The following RFX3 variants were observed in gnomAD, a reference collection of about 807,000 sequenced individuals.
RFX3 encodes regulatory factor X3, also known as transcription factor RFX3.
RFX3 carries 14 observed loss-of-function variants against 98.6 expected under a neutral mutation model. That is an observed-to-expected ratio of 0.14 (90% CI 0.09 to 0.22). The LOEUF (loss-of-function observed/expected upper bound fraction) is 0.22. Ranked by LOEUF, RFX3 falls within the 10% of genes least tolerant of loss-of-function variation. The pLI is 1.00. For missense variants in RFX3, 639 were observed against 926.9 expected (o/e 0.69, Z 4.03); for synonymous variants, 383 against 328.4 (o/e 1.17, Z -1.80).
At chr9:3,402,644 C>G (rs1210468823) in intron 1 of RFX3, among the ~76,000 whole-genome samples, 1 of 151,682 alleles carries the variant, frequency 6.6e-6, no homozygotes, top group African/African-American at 2.4e-5. Context: ...AATTGAAGTT[C>G]TGCAGCATTT....
intron 7 of RFX3, among the ~76,000 whole-genome samples, chr9:3,281,306 T>C (rs1470066556): frequency 6.6e-6 from 1 of 151,090 alleles, no homozygotes; most frequent in Non-Finnish European, 1.5e-5. Flanking sequence ...CTTTATCAAA[T>C]CTACCATATC....
intron 1 of RFX3, among the ~76,000 whole-genome samples, chr9:3,474,356 G>T (rs1041192699): frequency 1.6e-4 from 24 of 152,110 alleles, no homozygotes; most frequent in African/African-American, 5.8e-4. Flanking sequence ...TCTATTAACA[G>T]TCAAACTACA....
chr9:3,430,167 G>C (rs1177136154), intron 1 of RFX3, among the ~76,000 whole-genome samples: 1 of 152,164 alleles, frequency 6.6e-6, no homozygotes, highest in Non-Finnish European at 1.5e-5. Context: ...ATGATGTTTT[G>C]AAAGACTTTC....
chr9:3,490,376 C>A (rs1850637771), intron 1 of RFX3: 2 of 895,242 alleles, frequency 2.2e-6, no homozygotes, highest in African/African-American at 1.8e-5. Context: ...ACAATTAGTT[C>A]ACATTAAAAA....
chr9:3,297,029 T>A (rs1356069749), intron 5 of RFX3, among the ~76,000 whole-genome samples: 1 of 152,108 alleles, frequency 6.6e-6, no homozygotes, highest in Admixed American at 6.6e-5. Flanking sequence ...TTACTTTGAC[T>A]GTAAGAGAAA....
At chr9:3,392,524 T>C (rs1025946089) in intron 2 of RFX3, among the ~76,000 whole-genome samples, 3 of 148,900 alleles carry the variant, frequency 2.0e-5, no homozygotes, top group Non-Finnish European at 4.5e-5. Flanking sequence ...GTCCGGAAAG[T>C]GAAAAAAACA....
In RFX3 at chr9:3,219,293, T is replaced by C. The variant is rs573587115; in HGVS notation, c.*5749A>G. 1 of 152,100 alleles carries C rather than the reference T, an allele frequency of 6.6e-6. No homozygotes were observed. Among genetic ancestry groups the C allele is most frequent in the Non-Finnish European group, 1.5e-5 (1 of 68,014 alleles). 9.4% of individuals were successfully genotyped at this position (152,100 alleles called of 1,614,324 possible). The stretch of plus-strand genomic sequence containing the variant: ...TTTACTGAAGGAAAAATTTACTTGG[T>C]TATCAACAGTCAATGGGAGTTTTTA... On this transcript the variant is annotated 3_prime_UTR_variant, in exon 17 of 17. Coordinates refer to ENST00000617270, the MANE Select transcript of RFX3 (RefSeq NM_001282116.2).
At position 3,278,880 on chromosome 9, in the gene RFX3, T is replaced by C. The variant is rs571713729; in HGVS notation, c.852-1419A>G. Among the ~76,000 whole-genome samples the C allele has an allele frequency of 1.4e-3, 213 of 151,980 alleles. 1 individual carries two copies. The highest frequency in any genetic ancestry group is 2.8e-3 in the Admixed American group (42 of 15,220). On this transcript the variant is annotated intron_variant, in intron 7 of 16. Coordinates refer to ENST00000617270, the MANE Select transcript of RFX3 (RefSeq NM_001282116.2). ...GCACTCTTCATCCTCATGAATATAA[T>C]TTTAGTGATGACTCCTCATTACAAA...
chr9:3,344,773 G>C, intron 3 of RFX3: 1 of 688,144 alleles, frequency 1.5e-6, no homozygotes, highest in Non-Finnish European at 2.7e-6. Context: ...TTTTCCCTGA[G>C]AGCATAAAGG....
At chr9:3,339,027 T>G (rs1833543896) in intron 3 of RFX3, among the ~76,000 whole-genome samples, 1 of 151,952 alleles carries the variant, frequency 6.6e-6, no homozygotes, top group African/African-American at 2.4e-5. Flanking sequence ...AGGCAGAGGT[T>G]GCAGTGAGCC....
intron 1 of RFX3, among the ~76,000 whole-genome samples, chr9:3,435,454 C>A (rs1179116643): frequency 6.6e-6 from 1 of 151,922 alleles, no homozygotes; most frequent in Non-Finnish European, 1.5e-5. Context: ...CCTAGGCCTA[C>A]ATAGGCTCAG....
At chr9:3,520,277 C>T (rs899143289) in intron 1 of RFX3, among the ~76,000 whole-genome samples, 2 of 152,144 alleles carry the variant, frequency 1.3e-5, no homozygotes, top group Admixed American at 6.5e-5. Flanking sequence ...ACTACTATGC[C>T]TTGTAAGCTT....
intron 5 of RFX3, among the ~76,000 whole-genome samples, chr9:3,296,654 G>C (rs920683831): frequency 6.6e-6 from 1 of 152,002 alleles, no homozygotes; most frequent in African/African-American, 2.4e-5. Context: ...GCTACGTTTT[G>C]TTCCCTACCC....
intron 4 of RFX3, among the ~76,000 whole-genome samples, 176 bp downstream of exon 4, chr9:3,330,083 C>T (rs976688198): frequency 6.6e-6 from 1 of 152,134 alleles, no homozygotes; most frequent in Admixed American, 6.5e-5. Context: ...GCATATGTAT[C>T]AGTAACATTC....
intron 4 of RFX3, among the ~76,000 whole-genome samples, chr9:3,329,407 CAAAAAA>C: frequency 5.2e-5 from 2 of 38,142 alleles, no homozygotes; most frequent in East Asian, 1.4e-3. Context: ...GACTTCATCT[CAAAAAA>C]AAAAAAAAAA....
In RFX3 at chr9:3,224,946, T is replaced by A. The variant is rs1002588086; in HGVS notation, c.*96A>T. ...AAGTTAATGTTCAGCACAGATAGAATTTGACAACAGTCGACCTTCAGGCTT... is the reference window on the plus strand; with the variant it reads ...AAGTTAATGTTCAGCACAGATAGAAATTGACAACAGTCGACCTTCAGGCTT... On this transcript the variant is annotated 3_prime_UTR_variant, in exon 17 of 17. Coordinates refer to ENST00000617270, the MANE Select transcript of RFX3 (RefSeq NM_001282116.2). 26 of 1,228,792 alleles carry A rather than the reference T, an allele frequency of 2.1e-5. No homozygotes were observed. In the African/African-American group the frequency reaches 3.3e-4, roughly 16 times the overall value. 76.1% of individuals were successfully genotyped at this position (1,228,792 alleles called of 1,614,324 possible). A position where few individuals can be genotyped will look rare whatever the true frequency, so the allele number is the denominator to read the frequency against.
At chr9:3,288,274 T>G in intron 6 of RFX3, 24 bp from the exon 7 acceptor site, 2 of 1,608,718 alleles carry the variant, frequency 1.2e-6, no homozygotes, top group Non-Finnish European at 1.7e-6. Flanking sequence ...CAAGAAACAT[T>G]AGAAACAAAA....
At chr9:3,241,296 A>G (rs1819891278) in intron 15 of RFX3, among the ~76,000 whole-genome samples, 2 of 151,494 alleles carry the variant, frequency 1.3e-5, no homozygotes, top group African/African-American at 2.4e-5. Flanking sequence ...CGTCCTATCA[A>G]TTGGTAGTCT....
chr9:3,450,913 A>G lies in RFX3; in HGVS notation c.-8-55317T>C, dbSNP rs542528821. On this transcript the variant is annotated intron_variant, in intron 1 of 16. Transcript: ENST00000617270. ...GCTAAAACTTCCTTTTCTATTCAATATTTGGTTTTAAAAGAGCTGCAATTA... is the reference window on the plus strand; with the variant it reads ...GCTAAAACTTCCTTTTCTATTCAATGTTTGGTTTTAAAAGAGCTGCAATTA... 3.3e-5 allele frequency among the ~76,000 whole-genome samples: 5 copies of G among 152,278 alleles called. No individual in the cohort carries two copies. In the South Asian group the frequency reaches 1.0e-3, roughly 32 times the overall value.
Sources: allele counts gnomAD v4.1 joint callset (sites outside exome capture counted in the v4.1 genomes callset), GRCh38; gene constraint gnomAD v4.1.1; transcripts MANE v1.5; gene names NCBI Gene and HGNC (gene_info 2026-07-23, HGNC 2026-07-21).